The following SLC22A4 variants were observed in gnomAD, a reference collection of about 807,000 sequenced individuals.
The protein encoded by SLC22A4 is solute carrier family 22 member 4.
A neutral mutation model predicts 56.6 loss-of-function variants in SLC22A4; 39 were observed. The observed-to-expected ratio is 0.69, with a 90% confidence interval of 0.53 to 0.90. The LOEUF (loss-of-function observed/expected upper bound fraction) is 0.90. SLC22A4 is among the 40% of genes least tolerant of loss of function. The pLI is 0.00. For synonymous variants in SLC22A4, 241 were observed against 281.4 expected (o/e 0.86, Z 1.44); for missense variants, 594 against 696.5 (o/e 0.85, Z 1.66).
intron 4 of SLC22A4, among the ~76,000 whole-genome samples, chr5:132,325,547 G>C (rs1415048984): frequency 6.6e-6 from 1 of 152,182 alleles, no homozygotes; most frequent in African/African-American, 2.4e-5. Context: ...TATTAAGCTG[G>C]AGAGGGGACC....
chr5:132,328,493 G>C (rs559338786), intron 5 of SLC22A4, among the ~76,000 whole-genome samples: 1 of 152,226 alleles, frequency 6.6e-6, no homozygotes, highest in South Asian at 2.1e-4. Context: ...AGCTCTCAGA[G>C]GGCTGCCAGG....
At chr5:132,340,443 C>T in intron 8 of SLC22A4, 122 bp from the exon 9 acceptor site, 8 of 954,152 alleles carry the variant, frequency 8.4e-6, no homozygotes, top group South Asian at 5.4e-5. Context: ...TTTTTTTTCT[C>T]TGAAAATGTT....
intron 3 of SLC22A4, among the ~76,000 whole-genome samples, chr5:132,316,543 T>C (rs1750363066): frequency 6.6e-6 from 1 of 152,222 alleles, no homozygotes; most frequent in African/African-American, 2.4e-5. Flanking sequence ...CAAAAAGTGT[T>C]TCTGTATTTA....
intron 1 of SLC22A4, among the ~76,000 whole-genome samples, chr5:132,303,229 T>A (rs1272456822): frequency 6.6e-6 from 1 of 152,224 alleles, no homozygotes; most frequent in African/African-American, 2.4e-5. Flanking sequence ...ACTTCGAAGT[T>A]AGCAGTGTGA....
At chr5:132,331,908 T>C (rs935021972) in intron 6 of SLC22A4, 58 bp downstream of exon 6, 9 of 1,090,248 alleles carry the variant, frequency 8.3e-6, no homozygotes, top group Non-Finnish European at 1.3e-5. Flanking sequence ...GCAACTGATT[T>C]TCTTAACTCA....
chr5:132,328,930 T>TATATATATATATATAC, intron 5 of SLC22A4, among the ~76,000 whole-genome samples: 1 of 21,950 alleles, frequency 4.6e-5, no homozygotes, highest in Admixed American at 5.6e-4. Context: ...TATATATATA[T>TATATATATATATATAC]ACACACACAC....
intron 3 of SLC22A4, among the ~76,000 whole-genome samples, chr5:132,319,271 T>C (rs974773346): frequency 2.1e-5 from 3 of 142,894 alleles, no homozygotes; most frequent in Middle Eastern, 3.6e-3. Flanking sequence ...CACTGCACTC[T>C]GGCCTAGGCA....
intron 9 of SLC22A4, 122 bp from the exon 10 acceptor site, chr5:132,343,638 G>A: frequency 2.9e-6 from 2 of 679,184 alleles, no homozygotes; most frequent in African/African-American, 1.8e-5. Flanking sequence ...GTTCTCATTA[G>A]AGTTCAAATA....
intron 8 of SLC22A4, among the ~76,000 whole-genome samples, chr5:132,337,867 C>G (rs1423878566): frequency 3.3e-5 from 5 of 151,492 alleles, no homozygotes; most frequent in Non-Finnish European, 2.9e-5. Flanking sequence ...TCCTGAGTTG[C>G]TGGGACTACA....
intron 1 of SLC22A4, among the ~76,000 whole-genome samples, chr5:132,310,987 A>G (rs1337959823): frequency 6.6e-6 from 1 of 151,070 alleles, no homozygotes; most frequent in African/African-American, 2.4e-5. Context: ...TTTATTTTCC[A>G]TTTTCCCCAA....
At chr5:132,316,041 T>C (rs1177220185) in intron 3 of SLC22A4, among the ~76,000 whole-genome samples, 1 of 152,176 alleles carries the variant, frequency 6.6e-6, no homozygotes, top group Admixed American at 6.5e-5. Flanking sequence ...AATAGCTGAA[T>C]TCCAGGTTGT....
At chr5:132,339,869 G>T (rs1184836488) in intron 8 of SLC22A4, among the ~76,000 whole-genome samples, 2 of 152,158 alleles carry the variant, frequency 1.3e-5, no homozygotes, top group African/African-American at 4.8e-5. Flanking sequence ...AGCTCTGTAT[G>T]TATACAGGGG....
At chr5:132,310,078 C>T (rs560691740) in intron 1 of SLC22A4, among the ~76,000 whole-genome samples, 1 of 152,338 alleles carries the variant, frequency 6.6e-6, no homozygotes, top group East Asian at 1.9e-4. Flanking sequence ...GTAATTGTCT[C>T]CTGGTATCAC....
rs272878 is a variant in SLC22A4 at position 132,336,076 on chromosome 5, T to C, written c.1444+76T>C. On this transcript the variant is annotated intron_variant, in intron 8 of 9. Transcript: ENST00000200652. Reference sequence around the variant, plus strand: ...AAAAGTAAGATTTTCATTGTGAAAATGTCAAATAGCATAGAATGTACTGGA... The same window carrying C: ...AAAAGTAAGATTTTCATTGTGAAAACGTCAAATAGCATAGAATGTACTGGA... 0.68 allele frequency: 993,601 copies of C among 1,452,000 alleles called. 344,167 individuals carry two copies. Among genetic ancestry groups the C allele is most frequent in the African/African-American group, 0.81 (57,907 of 71,858 alleles). The allele number at this position is 1,452,000 out of a possible 1,614,324, so 89.9% of individuals were successfully genotyped here.
rs1749738596 is a variant in SLC22A4, at chr5:132,294,848, C to T, written c.232C>T (p.Pro78Ser). Residue 78 changes from proline (P) to serine (S), a missense_variant, in exon 1 of 10, where the codon CCC becomes TCC. Pro to Ser is a moderately conservative substitution (Grantham distance 74). Transcript: ENST00000200652. The surrounding 1 kb of genome is among the most constrained non-coding windows in gnomAD (Gnocchi z 5.6). ...GCGGCTGCGGGACGGCCGCGAGGTGCCCCACAGCTGCAGCCGCTACCGGCT... is the reference window on the plus strand; with the variant it reads ...GCGGCTGCGGGACGGCCGCGAGGTGTCCCACAGCTGCAGCCGCTACCGGCT... ...PLRLRDGREV[P>S]HSCSRYRLAT... The T allele has an allele frequency of 6.2e-7, 1 of 1,609,100 alleles. No individual in the cohort carries two copies. Among genetic ancestry groups the T allele is most frequent in the Admixed American group, 1.7e-5 (1 of 59,716 alleles).
Position 132,343,210 on chromosome 5 carries a change from G to A in SLC22A4, c.1581-550G>A, listed in dbSNP as rs1045786364. The stretch of plus-strand genomic sequence containing the variant: ...GTATTTAGGAGAAGTTTAGAGTTTC[G>A]AGTAACACTGCCTGGCTTTAAATCC... On this transcript the variant is annotated intron_variant, in intron 9 of 9. Transcript: ENST00000200652. 4.6e-5 allele frequency among the ~76,000 whole-genome samples: 7 copies of A among 152,078 alleles called. 1 individual carries two copies. In the South Asian group the frequency reaches 1.2e-3, roughly 27 times the overall value.
intron 4 of SLC22A4, 111 bp downstream of exon 4, chr5:132,322,466 C>A: frequency 9.3e-7 from 1 of 1,076,144 alleles, no homozygotes; most frequent in Non-Finnish European, 1.4e-6. Flanking sequence ...CCACGGAACT[C>A]GCGGAGGCCA....
rs745797189 is a variant in SLC22A4, at chr5:132,312,241, C to T, written c.474C>T (p.Phe158=). 5.6e-6 allele frequency: 9 copies of T among 1,612,704 alleles called. No homozygotes were observed. Among genetic ancestry groups the T allele is most frequent in the East Asian group, 2.2e-5 (1 of 44,880 alleles). Residue 158 remains phenylalanine, a synonymous_variant, in exon 2 of 10, where the codon TTC becomes TTT. Coordinates refer to ENST00000200652, the MANE Select transcript of SLC22A4 (RefSeq NM_003059.3). ...LFFVGVLLGS[F]VSGQLSDRFG... ...TCGTAGGCGTGCTCCTCGGCTCCTT[C>T]GTGTCCGGGCAGCTGTCAGACAGGT...
At chr5:132,342,912 G>A (rs777861169) in intron 9 of SLC22A4, among the ~76,000 whole-genome samples, 5 of 152,202 alleles carry the variant, frequency 3.3e-5, no homozygotes, top group Non-Finnish European at 5.9e-5. Context: ...GTTTAGTCAT[G>A]TTGGCATGAT....
Sources: allele counts gnomAD v4.1 joint callset (sites outside exome capture counted in the v4.1 genomes callset), GRCh38; gene constraint gnomAD v4.1.1; non-coding constraint Gnocchi (gnomAD v3.1); transcripts MANE v1.5; gene names NCBI Gene and HGNC (gene_info 2026-07-23, HGNC 2026-07-21).